The following ANTXR2 variants were observed in gnomAD, a reference collection of about 807,000 sequenced individuals.
ANTXR2 encodes the protein anthrax toxin receptor 2.
ANTXR2 carries 44 observed loss-of-function variants against 73.7 expected under a neutral mutation model. The ratio of observed to expected loss-of-function variants is 0.60; its 90% CI spans 0.47 to 0.77. The LOEUF is 0.77. ANTXR2 is among the 30% of genes least tolerant of loss of function. The pLI is 0.00. For missense variants in ANTXR2, 604 were observed against 592.5 expected (o/e 1.02, Z -0.20); for synonymous variants, 217 against 205.9 (o/e 1.05, Z -0.46).
At chr4:79,928,854 C>T (rs909485859) in intron 16 of ANTXR2, among the ~76,000 whole-genome samples, 1 of 152,110 alleles carries the variant, frequency 6.6e-6, no homozygotes, top group Non-Finnish European at 1.5e-5. Flanking sequence ...TTTATATATA[C>T]ATATATTTGC....
intron 16 of ANTXR2, among the ~76,000 whole-genome samples, chr4:79,912,883 T>C (rs924985267): frequency 2.6e-5 from 4 of 152,150 alleles, no homozygotes; most frequent in African/African-American, 9.6e-5. Flanking sequence ...ACTAAAAATA[T>C]GATATGATTG....
chr4:79,967,224 G>A lies in ANTXR2; in HGVS notation c.1428+10397C>T, dbSNP rs1240051866. 4.9e-5 allele frequency among the ~76,000 whole-genome samples: 3 copies of A among 61,344 alleles called. 1 individual carries two copies. Among genetic ancestry groups the A allele is most frequent in the Non-Finnish European group, 1.1e-4 (3 of 27,958 alleles). 40.2% of individuals were successfully genotyped at this position (61,344 alleles called of 152,430 possible). A position where few individuals can be genotyped will look rare whatever the true frequency, so the allele number is the denominator to read the frequency against. On this transcript the variant is annotated intron_variant, in intron 16 of 16. Transcript: ENST00000403729. ...CGCTTTTCAGACCGGCTTAAGAAACGGCGCACCACGAGACTATATCCCACA... is the reference window on the plus strand; with the variant it reads ...CGCTTTTCAGACCGGCTTAAGAAACAGCGCACCACGAGACTATATCCCACA...
chr4:79,926,976 T>TGTGTATATATATAC (rs1553925983), intron 16 of ANTXR2, among the ~76,000 whole-genome samples: 8 of 90,590 alleles, frequency 8.8e-5, no homozygotes, highest in Non-Finnish European at 1.2e-4. Context: ...TGTGTATATA[T>TGTGTATATATATAC]ACGTGTGCAT....
At chr4:79,995,341 A>AG (rs138001000) in intron 12 of ANTXR2, among the ~76,000 whole-genome samples, 55,748 of 151,710 alleles carry the variant, frequency 0.37, 12,204 homozygotes, top group Non-Finnish European at 0.47. Flanking sequence ...AAAAAATTAT[A>AG]GTTGATTTCC....
chr4:80,063,598 A>C (rs1178557900), intron 3 of ANTXR2, among the ~76,000 whole-genome samples: 1 of 152,042 alleles, frequency 6.6e-6, no homozygotes, highest in East Asian at 1.9e-4. Context: ...TTGCATTTTC[A>C]ATCACATACA....
chr4:80,014,374 C>T (rs973161131), intron 11 of ANTXR2, among the ~76,000 whole-genome samples: 1 of 151,952 alleles, frequency 6.6e-6, no homozygotes, highest in African/African-American at 2.4e-5. Flanking sequence ...TGAGACCATC[C>T]TGGCCAACGT....
Position 79,906,714 on chromosome 4 carries a change from T to C in ANTXR2, c.*715A>G, listed in dbSNP as rs1215316191. 2 of 152,658 alleles carry C rather than the reference T, an allele frequency of 1.3e-5. No homozygotes were observed. The highest frequency in any genetic ancestry group is 4.8e-5 in the African/African-American group (2 of 41,448). 9.5% of individuals were successfully genotyped at this position (152,658 alleles called of 1,614,324 possible). A position where few individuals can be genotyped will look rare whatever the true frequency, so the allele number is the denominator to read the frequency against. ...TCTGTGGAATAACGCTCTATTAATT[T>C]TCTTGTCCCGAGTGCATAATGAAAG... On this transcript the variant is annotated 3_prime_UTR_variant, in exon 17 of 17. Transcript: ENST00000403729.
intron 12 of ANTXR2, among the ~76,000 whole-genome samples, chr4:80,003,312 C>CA (rs1731143355): frequency 6.9e-6 from 1 of 145,906 alleles, no homozygotes; most frequent in Admixed American, 7.2e-5. Context: ...ATCGCAAGAA[C>CA]AAAAAACCAA....
chr4:80,067,923 G>A (rs189074964), intron 3 of ANTXR2, among the ~76,000 whole-genome samples: 95 of 152,174 alleles, frequency 6.2e-4, no homozygotes, highest in Non-Finnish European at 7.9e-4. Context: ...AAACTACCAC[G>A]GCACACGTTT....
At chr4:80,051,737 C>T (rs1003339628) in intron 7 of ANTXR2, among the ~76,000 whole-genome samples, 1 of 151,552 alleles carries the variant, frequency 6.6e-6, no homozygotes, top group South Asian at 2.1e-4. Context: ...CCTTTTTCAG[C>T]CCCTTGATTT....
intron 7 of ANTXR2, among the ~76,000 whole-genome samples, chr4:80,048,545 T>G (rs1733628082): frequency 6.6e-6 from 1 of 151,706 alleles, no homozygotes; most frequent in South Asian, 2.1e-4. Flanking sequence ...GCTTCAGGTT[T>G]TTCATCAAAC....
chr4:79,904,063 A>G lies in ANTXR2; in HGVS notation c.*3366T>C, dbSNP rs1194042732. 1 of 151,964 alleles carries G rather than the reference A, an allele frequency of 6.6e-6. No homozygotes were observed. Among genetic ancestry groups the G allele is most frequent in the Non-Finnish European group, 1.5e-5 (1 of 67,958 alleles). 9.4% of individuals were successfully genotyped at this position (151,964 alleles called of 1,614,324 possible). A position where few individuals can be genotyped will look rare whatever the true frequency, so the allele number is the denominator to read the frequency against. On this transcript the variant is annotated 3_prime_UTR_variant, in exon 17 of 17. Transcript: ENST00000403729. ...AAAAATAACATATATAAGCTGGTCT[A>G]TCAAAATGTTTTAAACACCTAATTA...
At chr4:80,054,783 A>G (rs1560425851) in intron 6 of ANTXR2, among the ~76,000 whole-genome samples, 1 of 151,710 alleles carries the variant, frequency 6.6e-6, no homozygotes, top group Non-Finnish European at 1.5e-5. Flanking sequence ...GACTTTCATT[A>G]GAGTCAAATT....
chr4:80,008,440 A>C, intron 12 of ANTXR2, 81 bp downstream of exon 12: 2 of 1,081,290 alleles, frequency 1.8e-6, no homozygotes, highest in Non-Finnish European at 2.7e-6. Flanking sequence ...TGTTATTAAC[A>C]TGGCATTTAT....
intron 5 of ANTXR2, 31 bp downstream of exon 5, chr4:80,055,329 G>A (rs1733944351): frequency 1.3e-6 from 2 of 1,579,110 alleles, no homozygotes; most frequent in East Asian, 4.5e-5. Flanking sequence ...GTACAGTGGG[G>A]TGTAGAGAAC....
chr4:79,960,590 T>C (rs571667597), intron 16 of ANTXR2, among the ~76,000 whole-genome samples: 1 of 152,144 alleles, frequency 6.6e-6, no homozygotes, highest in African/African-American at 2.4e-5. Context: ...AATAAAATGG[T>C]AAACAAATGT....
chr4:80,072,525 C>T lies in ANTXR2; in HGVS notation c.36G>A (p.Gly12=). The T allele has an allele frequency of 1.3e-6, 2 of 1,595,876 alleles. No homozygotes were observed. The highest frequency in any genetic ancestry group is 1.7e-6 in the Non-Finnish European group (2 of 1,172,512). Residue 12 remains glycine (G), a synonymous_variant, in exon 1 of 17, where the codon GGG becomes GGA. Coordinates refer to ENST00000403729, the MANE Select transcript of ANTXR2 (RefSeq NM_058172.6). ...VAERSPARSP[G]SWLFPGLWLL... is the part of the protein sequence containing the mutation. ...GCCACAGCCCGGGGAACAGCCAGCT[C>T]CCGGGGCTGCGGGCCGGGGACCGCT...
intron 12 of ANTXR2, among the ~76,000 whole-genome samples, chr4:80,002,339 G>A (rs1169249628): frequency 6.6e-6 from 1 of 152,122 alleles, no homozygotes; most frequent in Non-Finnish European, 1.5e-5. Flanking sequence ...AATGGTGCTG[G>A]GAAAACTGGC....
In ANTXR2 at chr4:80,060,746, A is replaced by C. The variant is rs958431845; in HGVS notation, c.297-4733T>G. Among the ~76,000 whole-genome samples the C allele has an allele frequency of 2.6e-5, 4 of 152,210 alleles. No individual in the cohort carries two copies. In the East Asian group the frequency reaches 7.7e-4, roughly 29 times the overall value. ...TAGGTATGTATGTATAGAAAAAAAT[A>C]GTATATATAGGGTTTGGCACTACCT... is the stretch of plus-strand genomic sequence containing the variant. On this transcript the variant is annotated intron_variant, in intron 3 of 16. Transcript: ENST00000403729.
Sources: gnomAD v4.1 joint callset for allele counts (sites outside exome capture counted in the v4.1 genomes callset) on GRCh38, gnomAD v4.1.1 for gene constraint, MANE v1.5 for transcripts, NCBI Gene and HGNC (gene_info 2026-07-23, HGNC 2026-07-21) for gene names.